TAX1BP1: variants seen among roughly 807,000 people sequenced by gnomAD.
The protein encoded by TAX1BP1 is Tax1 binding protein 1, also known as tax1-binding protein 1.
A neutral mutation model predicts 97.7 loss-of-function variants in TAX1BP1; 62 were observed. The observed-to-expected ratio is 0.63, with a 90% CI of 0.52 to 0.78. The LOEUF (loss-of-function observed/expected upper bound fraction) is 0.78, where lower values mean the gene tolerates loss of function less well. Among genes scored for constraint, TAX1BP1 ranks in the 30% least tolerant of loss-of-function variants. TAX1BP1 has a pLI of 0.00. For synonymous variants in TAX1BP1, 340 were observed against 304.2 expected (o/e 1.12, Z -1.23); for missense variants, 867 against 916.1 (o/e 0.95, Z 0.69).
At chr7:27,744,854 G>A (rs762231265) in intron 1 of TAX1BP1, among the ~76,000 whole-genome samples, 1 of 151,918 alleles carries the variant, frequency 6.6e-6, no homozygotes, top group Non-Finnish European at 1.5e-5. Flanking sequence ...AGACATTAAT[G>A]CATTCGCAAA....
rs73295568 is a variant in TAX1BP1, at chr7:27,773,908, C to G, written c.612+4074C>G. Among the ~76,000 whole-genome samples the G allele has an allele frequency of 2.6e-3, 397 of 152,000 alleles. 5 individuals carry two copies. Among genetic ancestry groups the G allele is most frequent in the African/African-American group, 9.3e-3 (387 of 41,482 alleles). ...AATTTAGCTTATAATTTTTTTGGAG[C>G]CTAAACTATGAATTGAGTTTTTTTC... On this transcript the variant is annotated intron_variant, in intron 5 of 16. Coordinates refer to ENST00000396319, the MANE Select transcript of TAX1BP1 (RefSeq NM_006024.7).
At chr7:27,744,882 T>C (rs1787761943) in intron 1 of TAX1BP1, among the ~76,000 whole-genome samples, 2 of 152,246 alleles carry the variant, frequency 1.3e-5, no homozygotes, top group Admixed American at 1.3e-4. Context: ...AATTGGAATT[T>C]AGACCAAAGA....
At chr7:27,809,032 G>T (rs764140890) in intron 13 of TAX1BP1, among the ~76,000 whole-genome samples, 1 of 150,942 alleles carries the variant, frequency 6.6e-6, no homozygotes, top group Admixed American at 6.6e-5. Context: ...ACACATTATT[G>T]TAGTTATCAA....
chr7:27,828,214 C>CA (rs1463271475), intron 16 of TAX1BP1, among the ~76,000 whole-genome samples: 1 of 152,152 alleles, frequency 6.6e-6, no homozygotes, highest in Admixed American at 6.5e-5. Context: ...CTGATGCATA[C>CA]AAGCATTTGA....
intron 3 of TAX1BP1, among the ~76,000 whole-genome samples, chr7:27,760,454 G>A (rs1004503481): frequency 2.7e-5 from 4 of 150,032 alleles, no homozygotes; most frequent in Non-Finnish European, 4.4e-5. Flanking sequence ...GTGCAGTGGC[G>A]CGATCTCGGC....
intron 13 of TAX1BP1, among the ~76,000 whole-genome samples, chr7:27,810,809 A>G (rs1017932764): frequency 1.3e-5 from 2 of 152,020 alleles, no homozygotes; most frequent in African/African-American, 4.8e-5. Flanking sequence ...TGCTCTAGTC[A>G]TATTTTACCA....
chr7:27,745,684 T>C lies in TAX1BP1; in HGVS notation c.-7-2834T>C, dbSNP rs141217938. 5.2e-3 allele frequency among the ~76,000 whole-genome samples: 784 copies of C among 152,224 alleles called. 5 individuals carry two copies. The highest frequency in any genetic ancestry group is 0.015 in the African/African-American group (605 of 41,560). ...CTTGTAACCATTGTGAATACTATAT[T>C]TTAAAGTGAAATACTAGTGTTTTCT... On this transcript the variant is annotated intron_variant, in intron 1 of 16. Coordinates refer to ENST00000396319, the MANE Select transcript of TAX1BP1 (RefSeq NM_006024.7).
intron 13 of TAX1BP1, among the ~76,000 whole-genome samples, chr7:27,816,117 C>T (rs1217792984): frequency 2.0e-5 from 3 of 152,130 alleles, no homozygotes; most frequent in African/African-American, 7.2e-5. Context: ...TTTCTTGGCA[C>T]AAATAAATTT....
chr7:27,813,446 C>T (rs1275859733), intron 13 of TAX1BP1, among the ~76,000 whole-genome samples: 1 of 151,824 alleles, frequency 6.6e-6, no homozygotes, highest in African/African-American at 2.4e-5. Context: ...CCTTGACCTC[C>T]CAGACTCAGG....
chr7:27,782,975 C>A (rs1446553755), intron 5 of TAX1BP1, among the ~76,000 whole-genome samples: 1 of 152,030 alleles, frequency 6.6e-6, no homozygotes, highest in Non-Finnish European at 1.5e-5. Context: ...GATTCATAAT[C>A]TTTTTATCGG....
chr7:27,789,949 G>A (rs552200227), intron 8 of TAX1BP1, among the ~76,000 whole-genome samples: 170 of 151,998 alleles, frequency 1.1e-3, no homozygotes, highest in African/African-American at 3.8e-3. Flanking sequence ...GAGGAAAAGC[G>A]TAGTTATGGA....
chr7:27,777,647 A>C (rs1006902084), intron 5 of TAX1BP1, among the ~76,000 whole-genome samples: 2 of 152,114 alleles, frequency 1.3e-5, no homozygotes, highest in Non-Finnish European at 2.9e-5. Context: ...CTTTTTCTAC[A>C]TGATTCTTCT....
intron 1 of TAX1BP1, among the ~76,000 whole-genome samples, chr7:27,746,654 A>G (rs1021922321): frequency 4.6e-5 from 7 of 152,150 alleles, no homozygotes; most frequent in Admixed American, 2.6e-4. Context: ...TCCATGAAAT[A>G]TGGTTGCTGG....
At chr7:27,814,000 G>T (rs1184200942) in intron 13 of TAX1BP1, among the ~76,000 whole-genome samples, 3 of 151,668 alleles carry the variant, frequency 2.0e-5, no homozygotes, top group East Asian at 3.9e-4. Flanking sequence ...TAAGCGAAAG[G>T]ACTTACAGCA....
chr7:27,823,241 G>A (rs961196881), intron 15 of TAX1BP1, among the ~76,000 whole-genome samples: 1 of 152,080 alleles, frequency 6.6e-6, no homozygotes. Flanking sequence ...AGTTTTGAGG[G>A]GCAAAGAGAT....
intron 2 of TAX1BP1, among the ~76,000 whole-genome samples, chr7:27,750,933 T>G (rs1787997107): frequency 6.6e-6 from 1 of 152,230 alleles, no homozygotes; most frequent in African/African-American, 2.4e-5. Context: ...ACCTTTGTTT[T>G]TTAACTGCTC....
At chr7:27,762,931 C>T (rs1436586523) in intron 3 of TAX1BP1, among the ~76,000 whole-genome samples, 2 of 152,112 alleles carry the variant, frequency 1.3e-5, no homozygotes, top group East Asian at 1.9e-4. Context: ...CCAGACTTGG[C>T]GACAGAGTGA....
Position 27,758,091 on chromosome 7 carries a change from T to C in TAX1BP1, c.223T>C (p.Tyr75His). The C allele has an allele frequency of 1.9e-6, 3 of 1,612,674 alleles. No individual in the cohort carries two copies. Among genetic ancestry groups the C allele is most frequent in the Non-Finnish European group, 2.5e-6 (3 of 1,179,286 alleles). The change falls in exon 3 of 17, where the codon TAT (tyrosine) becomes CAT (histidine). Residue 75 changes from tyrosine (Y) to histidine (H), a missense_variant. Physicochemically the swap from Tyr to His is moderately conservative, Grantham distance 83 (BLOSUM62 2). This residue lies in a region of TAX1BP1 where 822 missense variants were observed against 851.4 expected (regional missense o/e 0.97). Coordinates refer to ENST00000396319, the MANE Select transcript of TAX1BP1 (RefSeq NM_006024.7). ...TTTATGGTCCCCTATGCCTGAACAT[T>C]ATGTGGAAGGATCAACAGTCAATTG... Reference protein sequence around the residue: ...TFLWSPMPEHYVEGSTVNCVL... With the variant: ...TFLWSPMPEHHVEGSTVNCVL...
intron 15 of TAX1BP1, among the ~76,000 whole-genome samples, chr7:27,825,979 G>T (rs1289103341): frequency 2.6e-5 from 4 of 151,828 alleles, no homozygotes; most frequent in African/African-American, 7.3e-5. Context: ...TCAAAGATGA[G>T]TGAGAAAATT....
Sources: allele counts gnomAD v4.1 joint callset (sites outside exome capture counted in the v4.1 genomes callset), GRCh38; gene constraint gnomAD v4.1.1; regional missense constraint gnomAD v4.1.1; transcripts MANE v1.5; gene names NCBI Gene and HGNC (gene_info 2026-07-23, HGNC 2026-07-21).